Variants in PIK3CB observed in about 807,000 individuals in gnomAD.
PIK3CB encodes the protein phosphatidylinositol-4,5-bisphosphate 3-kinase catalytic subunit beta.
A neutral mutation model predicts 136.8 loss-of-function variants in PIK3CB; 39 were observed. That is an observed-to-expected ratio of 0.29 (90% CI 0.22 to 0.37). PIK3CB has a LOEUF of 0.37. Among genes scored for constraint, PIK3CB ranks in the 10% least tolerant of loss-of-function variants. The pLI is 1.00. For synonymous variants in PIK3CB, 428 were observed against 436.6 expected (o/e 0.98, Z 0.25); for missense variants, 868 against 1,275.4 (o/e 0.68, Z 4.87).
intron 1 of PIK3CB, among the ~76,000 whole-genome samples, chr3:138,833,162 G>A (rs1934117578): frequency 6.6e-6 from 1 of 151,298 alleles, no homozygotes; most frequent in African/African-American, 2.4e-5. Flanking sequence ...CGCCTCCCGG[G>A]TTCAAGGGAT....
chr3:138,689,965 A>G (rs1436280120), intron 15 of PIK3CB, among the ~76,000 whole-genome samples: 1 of 152,272 alleles, frequency 6.6e-6, no homozygotes, highest in African/African-American at 2.4e-5. Context: ...CATCTATTCC[A>G]ATTTTTTTCT....
intron 2 of PIK3CB, among the ~76,000 whole-genome samples, chr3:138,790,527 G>C (rs1305572571): frequency 2.7e-4 from 40 of 150,816 alleles, no homozygotes; most frequent in African/African-American, 9.3e-4. Flanking sequence ...CCCTGAGACC[G>C]GGCACGGTGG....
chr3:138,750,106 T>C (rs1389343676), intron 4 of PIK3CB, among the ~76,000 whole-genome samples: 1 of 152,142 alleles, frequency 6.6e-6, no homozygotes, highest in Non-Finnish European at 1.5e-5. Flanking sequence ...CTCCAAATCC[T>C]GGGCTCAAGT....
chr3:138,768,497 C>T (rs1246789502), intron 2 of PIK3CB, among the ~76,000 whole-genome samples: 2 of 152,214 alleles, frequency 1.3e-5, no homozygotes, highest in Admixed American at 6.5e-5. Flanking sequence ...CCGGAAAAGG[C>T]ACAAGTTCCC....
At chr3:138,817,279 C>A (rs1240963873) in intron 1 of PIK3CB, among the ~76,000 whole-genome samples, 2 of 152,046 alleles carry the variant, frequency 1.3e-5, no homozygotes, top group East Asian at 3.9e-4. Flanking sequence ...GCGGAGCCTG[C>A]AGTGAGCCGA....
At chr3:138,790,782 C>A (rs2046039370) in intron 2 of PIK3CB, among the ~76,000 whole-genome samples, 1 of 150,434 alleles carries the variant, frequency 6.6e-6, no homozygotes, top group South Asian at 2.1e-4. Flanking sequence ...CCACTGTACT[C>A]CAGCCTAGGT....
At chr3:138,719,950 T>C (rs571960202) in intron 8 of PIK3CB, among the ~76,000 whole-genome samples, 2 of 150,380 alleles carry the variant, frequency 1.3e-5, no homozygotes, top group East Asian at 2.0e-4. Context: ...AGTGTGAAAA[T>C]AGAAAATGAG....
chr3:138,809,065 G>A (rs1254514402), intron 1 of PIK3CB, among the ~76,000 whole-genome samples: 1 of 151,794 alleles, frequency 6.6e-6, no homozygotes, highest in Non-Finnish European at 1.5e-5. Flanking sequence ...TCTGGAGTCA[G>A]GAGTTCAAGA....
At chr3:138,792,991 G>A (rs1252311126) in intron 2 of PIK3CB, among the ~76,000 whole-genome samples, 1 of 152,096 alleles carries the variant, frequency 6.6e-6, no homozygotes, top group Non-Finnish European at 1.5e-5. Context: ...AGGGATTGAG[G>A]TTATCTATTC....
At chr3:138,710,881 G>A (rs1055376204) in intron 10 of PIK3CB, among the ~76,000 whole-genome samples, 16 of 151,628 alleles carry the variant, frequency 1.1e-4, no homozygotes, top group Admixed American at 4.6e-4. Context: ...TCAGGAGATC[G>A]AGACGATCCT....
chr3:138,762,783 C>A (rs1472662755), intron 2 of PIK3CB, among the ~76,000 whole-genome samples: 6 of 151,714 alleles, frequency 4.0e-5, no homozygotes, highest in Non-Finnish European at 7.4e-5. Flanking sequence ...CATGGTGAAA[C>A]CTTGTCTCTA....
At chr3:138,666,635 A>G (rs2043416027) in intron 19 of PIK3CB, among the ~76,000 whole-genome samples, 2 of 152,198 alleles carry the variant, frequency 1.3e-5, no homozygotes, top group South Asian at 4.1e-4. Flanking sequence ...AATTTCTATT[A>G]TAATAAGAAC....
intron 13 of PIK3CB, among the ~76,000 whole-genome samples, chr3:138,696,342 C>T (rs2044137794): frequency 6.6e-6 from 1 of 151,816 alleles, no homozygotes; most frequent in Admixed American, 6.6e-5. Context: ...GCCACCATGC[C>T]CAGCTAATTT....
intron 19 of PIK3CB, 138 bp downstream of exon 19, chr3:138,681,829 A>G (rs1000092574): frequency 5.5e-6 from 3 of 544,798 alleles, no homozygotes; most frequent in Non-Finnish European, 9.5e-6. Flanking sequence ...TTGAAAGTAC[A>G]TTCTAAAGTG....
chr3:138,683,685 A>AT lies in PIK3CB; in HGVS notation c.2417dup (p.Asn806LysfsTer3). Reference sequence around the variant, plus strand: ...AAAAATCTCAGTACTTACCATCACCATTTTTAAAAATCACTCCAACTGAAT... The same window carrying AT: ...AAAAATCTCAGTACTTACCATCACCATTTTTTAAAAATCACTCCAACTGAAT... On this transcript the variant is annotated frameshift_variant, in exon 18 of 24. Coordinates refer to ENST00000674063, the MANE Select transcript of PIK3CB (RefSeq NM_006219.3). LOFTEE classifies it high-confidence loss of function. The AT allele has an allele frequency of 1.3e-6, 2 of 1,501,218 alleles. No individual in the cohort carries two copies. Among genetic ancestry groups the AT allele is most frequent in the Non-Finnish European group, 1.9e-6 (2 of 1,078,070 alleles). 93.0% of individuals were successfully genotyped at this position (1,501,218 alleles called of 1,614,324 possible). A position where few individuals can be genotyped will look rare whatever the true frequency, so the allele number is the denominator to read the frequency against.
At chr3:138,781,921 C>A (rs2045928185) in intron 2 of PIK3CB, among the ~76,000 whole-genome samples, 2 of 152,038 alleles carry the variant, frequency 1.3e-5, no homozygotes, top group Non-Finnish European at 2.9e-5. Flanking sequence ...GACACTGTCT[C>A]AAAAAAATTA....
chr3:138,744,805 T>C (rs1377083686), intron 4 of PIK3CB, among the ~76,000 whole-genome samples: 1 of 152,220 alleles, frequency 6.6e-6, no homozygotes, highest in East Asian at 1.9e-4. Context: ...TTCTTCTACA[T>C]CTTCTTCCTC....
At chr3:138,758,583 C>T (rs987869288) in intron 3 of PIK3CB, among the ~76,000 whole-genome samples, 18 of 152,110 alleles carry the variant, frequency 1.2e-4, no homozygotes, top group Non-Finnish European at 2.5e-4. Context: ...AATGAAGAAG[C>T]TTGGAAAGGA....
intron 4 of PIK3CB, among the ~76,000 whole-genome samples, chr3:138,749,443 A>C (rs528580527): frequency 2.5e-4 from 38 of 152,250 alleles, no homozygotes; most frequent in Middle Eastern, 3.4e-3. Flanking sequence ...TACAACCTAA[A>C]TAATCTTTCT....
Sources: allele counts gnomAD v4.1 joint callset (sites outside exome capture counted in the v4.1 genomes callset), GRCh38; gene constraint gnomAD v4.1.1; transcripts MANE v1.5; gene names NCBI Gene and HGNC (gene_info 2026-07-23, HGNC 2026-07-21).